CD82: variants seen among roughly 807,000 people sequenced by gnomAD.
CD82 encodes the protein CD82 molecule.
A neutral mutation model predicts 37.4 loss-of-function variants in CD82; 36 were observed. That is an observed-to-expected ratio of 0.96 (90% CI 0.74 to 1.27). The LOEUF is 1.27. Among genes scored for constraint, CD82 ranks in the 50% most tolerant of loss-of-function variants. CD82 has a pLI of 0.00. For synonymous variants in CD82, 158 were observed against 137.4 expected (o/e 1.15, Z -1.05); for missense variants, 340 against 347.0 (o/e 0.98, Z 0.16).
intron 1 of CD82, among the ~76,000 whole-genome samples, chr11:44,579,333 C>T (rs1273655875): frequency 6.6e-6 from 1 of 151,888 alleles, no homozygotes; most frequent in Admixed American, 6.5e-5. Flanking sequence ...TGGGGTGGCC[C>T]CAGAGCAGGA....
At chr11:44,616,700 G>A (rs1853569703) in intron 7 of CD82, among the ~76,000 whole-genome samples, 1 of 152,218 alleles carries the variant, frequency 6.6e-6, no homozygotes, top group African/African-American at 2.4e-5. Context: ...GAAGCACTTA[G>A]GCAGCATTTA....
intron 2 of CD82, among the ~76,000 whole-genome samples, chr11:44,593,105 C>T (rs527487501): frequency 3.5e-4 from 53 of 152,288 alleles, no homozygotes; most frequent in South Asian, 1.0e-3. Context: ...TCCCCATCAC[C>T]GGAGGTGTGT....
intron 6 of CD82, 82 bp from the exon 7 acceptor site, chr11:44,615,190 G>A (rs1377908917): frequency 5.7e-6 from 5 of 873,378 alleles, no homozygotes; most frequent in Admixed American, 1.8e-5. Flanking sequence ...GGGAACGGGG[G>A]GAGGCAGTTT....
chr11:44,600,381 C>T (rs906770543), intron 4 of CD82, 151 bp downstream of exon 4: 3 of 687,040 alleles, frequency 4.4e-6, no homozygotes, highest in Admixed American at 5.2e-5. Context: ...CTGCCCACCA[C>T]TGCCCATGGC....
intron 7 of CD82, among the ~76,000 whole-genome samples, chr11:44,615,838 G>A (rs1225387840): frequency 2.6e-5 from 4 of 152,182 alleles, no homozygotes; most frequent in African/African-American, 4.8e-5. Flanking sequence ...GTGCACATAC[G>A]TAAAAATGCA....
intron 1 of CD82, among the ~76,000 whole-genome samples, chr11:44,570,131 G>A (rs921414686): frequency 2.6e-5 from 4 of 152,224 alleles, no homozygotes; most frequent in African/African-American, 7.2e-5. Context: ...CAAGACGCCA[G>A]TCATGTCTGG....
chr11:44,605,155 C>T lies in CD82; in HGVS notation c.234C>T (p.Val78=). The change falls in exon 5 of 10, where the codon GTC becomes GTT. Residue 78 remains valine (V), a synonymous_variant. Transcript: ENST00000227155. ...LMGFLGCIGA[V]NEVRCLLGLY... ...GCTTCCTGGGCTGCATCGGCGCCGT[C>T]AACGAGGTCCGCTGCCTGCTGGGGC... The T allele has an allele frequency of 6.2e-7, 1 of 1,614,158 alleles. No individual in the cohort carries two copies. The highest frequency in any genetic ancestry group is 8.5e-7 in the Non-Finnish European group (1 of 1,180,016).
intron 4 of CD82, 169 bp from the exon 5 acceptor site, chr11:44,604,889 G>C: frequency 1.2e-6 from 1 of 816,482 alleles, no homozygotes; most frequent in Non-Finnish European, 2.0e-6. Context: ...GACACAAGTG[G>C]GGATGGGGGT....
intron 1 of CD82, among the ~76,000 whole-genome samples, chr11:44,586,524 C>T (rs939074302): frequency 2.6e-5 from 4 of 152,154 alleles, no homozygotes; most frequent in African/African-American, 2.4e-5. Flanking sequence ...GGCATCGTGG[C>T]GTGTACCTGT....
chr11:44,601,179 C>T (rs3758812), intron 4 of CD82, among the ~76,000 whole-genome samples: 27,409 of 152,070 alleles, frequency 0.18, 2,750 homozygotes, highest in East Asian at 0.26. Context: ...GCTCACTTCT[C>T]CCAGCAGCTG....
chr11:44,587,041 G>A (rs1251423089), intron 1 of CD82, among the ~76,000 whole-genome samples: 1 of 152,166 alleles, frequency 6.6e-6, no homozygotes, highest in South Asian at 2.1e-4. Context: ...CTCCTGGGGA[G>A]CCCAGCCCTA....
chr11:44,582,712 C>T (rs1396528727), intron 1 of CD82, among the ~76,000 whole-genome samples: 2 of 152,150 alleles, frequency 1.3e-5, no homozygotes, highest in African/African-American at 2.4e-5. Context: ...TTTTCAGGGC[C>T]TCTGGAATCT....
At chr11:44,575,424 A>G (rs965647743) in intron 1 of CD82, among the ~76,000 whole-genome samples, 12 of 152,250 alleles carry the variant, frequency 7.9e-5, no homozygotes, top group African/African-American at 2.7e-4. Context: ...TCTCCAGAGT[A>G]GGTGGTGGGT....
At chr11:44,569,869 C>T (rs960590453) in intron 1 of CD82, among the ~76,000 whole-genome samples, 1 of 152,142 alleles carries the variant, frequency 6.6e-6, no homozygotes, top group Non-Finnish European at 1.5e-5. Context: ...AGTTTTTGAA[C>T]CTGCAAATGG....
At chr11:44,575,508 C>A (rs1852878614) in intron 1 of CD82, among the ~76,000 whole-genome samples, 4 of 152,210 alleles carry the variant, frequency 2.6e-5, no homozygotes, top group Admixed American at 2.6e-4. Context: ...TGCTTGGCCC[C>A]ACCCCCAGGT....
intron 1 of CD82, among the ~76,000 whole-genome samples, chr11:44,575,229 T>C (rs1348009900): frequency 1.3e-5 from 2 of 152,152 alleles, no homozygotes; most frequent in Non-Finnish European, 2.9e-5. Flanking sequence ...CAGATAGATA[T>C]AGGGGAGTGT....
chr11:44,605,190 C>T lies in CD82; in HGVS notation c.261+8C>T. ...CGCTGCCTGCTGGGGCTGGTGAGTA[C>T]GGATCCCTCCGCAGCTGCCTGCCCA... is the stretch of plus-strand genomic sequence containing the variant. On this transcript the variant is annotated splice_region_variant and intron_variant, in intron 5 of 9. Transcript: ENST00000227155. The T allele has an allele frequency of 1.2e-6, 2 of 1,612,528 alleles. No individual in the cohort carries two copies. Among genetic ancestry groups the T allele is most frequent in the South Asian group, 1.1e-5 (1 of 90,990 alleles).
chr11:44,607,215 A>C (rs1853411125), intron 6 of CD82, among the ~76,000 whole-genome samples: 2 of 152,258 alleles, frequency 1.3e-5, no homozygotes, highest in African/African-American at 2.4e-5. Flanking sequence ...ATTTAATAGA[A>C]CTTAGAACTT....
At chr11:44,605,535 T>TC in intron 6 of CD82, 106 bp downstream of exon 6, 2 of 1,034,476 alleles carry the variant, frequency 1.9e-6, no homozygotes, top group Non-Finnish European at 3.0e-6. Flanking sequence ...CACAGACAGA[T>TC]CCAGTAGGTG....
Sources: gnomAD v4.1 joint callset for allele counts (sites outside exome capture counted in the v4.1 genomes callset) on GRCh38, gnomAD v4.1.1 for gene constraint, MANE v1.5 for transcripts, NCBI Gene and HGNC (gene_info 2026-07-23, HGNC 2026-07-21) for gene names.